Variants in ATXN7L1 observed in about 807,000 individuals in gnomAD.
The protein encoded by ATXN7L1 is ataxin-7-like protein 1.
A neutral mutation model predicts 70.8 loss-of-function variants in ATXN7L1; 15 were observed. That is an observed-to-expected ratio of 0.21 (90% CI 0.14 to 0.33). The LOEUF (loss-of-function observed/expected upper bound fraction) is 0.33, where lower values mean the gene tolerates loss of function less well. Among genes scored for constraint, ATXN7L1 ranks in the 10% least tolerant of loss-of-function variants. ATXN7L1 has a pLI of 1.00. For synonymous variants in ATXN7L1, 440 were observed against 445.1 expected, an observed-to-expected ratio of 0.99 and a Z score of 0.14; for missense variants, 975 against 1,097.1, an observed-to-expected ratio of 0.89 and a Z score of 1.57.
chr7:105,757,753 T>A, intron 3 of ATXN7L1, among the ~76,000 whole-genome samples: 1 of 125,732 alleles, frequency 8.0e-6, no homozygotes, highest in East Asian at 2.4e-4. Context: ...TGGCTAATTT[T>A]GACATTTTTT....
chr7:105,656,512 G>T (rs765709860), intron 4 of ATXN7L1, among the ~76,000 whole-genome samples: 36 of 152,208 alleles, frequency 2.4e-4, no homozygotes, highest in Non-Finnish European at 4.6e-4. Flanking sequence ...GTGCTGTCAG[G>T]CAGTTCTGCA....
At chr7:105,698,276 G>A (rs1467414399) in intron 3 of ATXN7L1, among the ~76,000 whole-genome samples, 1 of 152,106 alleles carries the variant, frequency 6.6e-6, no homozygotes, top group African/African-American at 2.4e-5. Context: ...TTAATCCTTT[G>A]TGATGTGGAC....
intron 2 of ATXN7L1, among the ~76,000 whole-genome samples, chr7:105,820,340 C>A (rs561631000): frequency 2.6e-5 from 4 of 152,108 alleles, no homozygotes; most frequent in Non-Finnish European, 5.9e-5. Flanking sequence ...TAGTGACTTT[C>A]TAGAGCGCAA....
At chr7:105,633,782 A>G (rs896268004) in intron 7 of ATXN7L1, among the ~76,000 whole-genome samples, 1 of 152,158 alleles carries the variant, frequency 6.6e-6, no homozygotes, top group Non-Finnish European at 1.5e-5. Context: ...GAAACACTCT[A>G]TAATAAGTTC....
chr7:105,833,128 C>G (rs972143482), intron 2 of ATXN7L1, among the ~76,000 whole-genome samples: 3 of 152,210 alleles, frequency 2.0e-5, no homozygotes, highest in South Asian at 2.1e-4. Flanking sequence ...TCTGCCTCCC[C>G]CTCTGACCTC....
intron 3 of ATXN7L1, among the ~76,000 whole-genome samples, chr7:105,759,466 G>GTC (rs1228041389): frequency 9.7e-6 from 1 of 103,554 alleles, no homozygotes; most frequent in Non-Finnish European, 1.8e-5. Flanking sequence ...GTGTGTGTGT[G>GTC]TGTGTGTGTG....
chr7:105,641,873 G>A (rs889382683), intron 5 of ATXN7L1, among the ~76,000 whole-genome samples: 1 of 152,226 alleles, frequency 6.6e-6, no homozygotes, highest in Non-Finnish European at 1.5e-5. Flanking sequence ...AAGAGTTACA[G>A]ATGAAAGATA....
intron 3 of ATXN7L1, among the ~76,000 whole-genome samples, chr7:105,764,962 T>C (rs1801050598): frequency 6.6e-6 from 1 of 152,168 alleles, no homozygotes; most frequent in East Asian, 1.9e-4. Context: ...AAGATTCACT[T>C]AGGCATCTGT....
At chr7:105,663,037 C>A (rs1227894009) in intron 4 of ATXN7L1, among the ~76,000 whole-genome samples, 1 of 152,198 alleles carries the variant, frequency 6.6e-6, no homozygotes, top group Non-Finnish European at 1.5e-5. Context: ...CAAGGTCACC[C>A]AGCTGAAATT....
intron 4 of ATXN7L1, among the ~76,000 whole-genome samples, chr7:105,651,552 C>T (rs1314215176): frequency 1.3e-5 from 2 of 152,208 alleles, no homozygotes. Flanking sequence ...GTGGGAGCAG[C>T]AGCCTTCCAC....
intron 4 of ATXN7L1, among the ~76,000 whole-genome samples, chr7:105,644,607 T>C (rs1198829095): frequency 6.6e-6 from 1 of 152,198 alleles, no homozygotes; most frequent in Non-Finnish European, 1.5e-5. Context: ...AGCACTCCCA[T>C]ATCACTGAAG....
chr7:105,716,893 G>GA (rs888727945), intron 3 of ATXN7L1, among the ~76,000 whole-genome samples: 10 of 146,240 alleles, frequency 6.8e-5, no homozygotes, highest in South Asian at 4.4e-4. Context: ...AAAAGTAAAT[G>GA]AAAAAAAAAG....
At chr7:105,796,446 T>C (rs550662965) in intron 2 of ATXN7L1, among the ~76,000 whole-genome samples, 5 of 152,328 alleles carry the variant, frequency 3.3e-5, no homozygotes, top group African/African-American at 9.6e-5. Context: ...CCTACGGATG[T>C]GACAAACCTG....
At chr7:105,825,612 A>G (rs1199806686) in intron 2 of ATXN7L1, among the ~76,000 whole-genome samples, 1 of 113,234 alleles carries the variant, frequency 8.8e-6, no homozygotes, top group Non-Finnish European at 2.0e-5. Flanking sequence ...GACAGACTCA[A>G]TAAGCATGTT....
intron 7 of ATXN7L1, among the ~76,000 whole-genome samples, chr7:105,627,280 G>A (rs567457786): frequency 9.9e-5 from 15 of 152,182 alleles, no homozygotes; most frequent in African/African-American, 3.1e-4. Flanking sequence ...TGTCACCCAG[G>A]CTGGAGTGCA....
intron 2 of ATXN7L1, among the ~76,000 whole-genome samples, chr7:105,802,165 G>A (rs1487032819): frequency 6.6e-6 from 1 of 152,150 alleles, no homozygotes; most frequent in Non-Finnish European, 1.5e-5. Flanking sequence ...TGATACCCAA[G>A]TGGAACGAGT....
At chr7:105,609,204 C>T (rs548886885) in intron 11 of ATXN7L1, among the ~76,000 whole-genome samples, 2 of 152,030 alleles carry the variant, frequency 1.3e-5, no homozygotes, top group Non-Finnish European at 1.5e-5. Flanking sequence ...AAGTCTCACT[C>T]TATTGCCCAG....
chr7:105,832,474 G>C (rs931599973), intron 2 of ATXN7L1, among the ~76,000 whole-genome samples: 7 of 152,194 alleles, frequency 4.6e-5, no homozygotes, highest in African/African-American at 1.7e-4. Context: ...GATGACAGGT[G>C]ACGCCCCAGA....
intron 3 of ATXN7L1, among the ~76,000 whole-genome samples, chr7:105,768,105 C>A (rs1801521056): frequency 6.6e-6 from 1 of 152,238 alleles, no homozygotes; most frequent in African/African-American, 2.4e-5. Context: ...CCTCTTGTCT[C>A]TGGGAACACT....
Sources: allele counts gnomAD v4.1 joint callset (sites outside exome capture counted in the v4.1 genomes callset), GRCh38; gene constraint gnomAD v4.1.1; transcripts MANE v1.5; gene names NCBI Gene and HGNC (gene_info 2026-07-23, HGNC 2026-07-21).